CHCHD3: variants seen among roughly 807,000 people sequenced by gnomAD.
CHCHD3 encodes the protein coiled-coil-helix-coiled-coil-helix domain containing 3, also known as MICOS complex subunit MIC19.
CHCHD3 carries 20 observed loss-of-function variants against 38.2 expected under a neutral mutation model. The ratio of observed to expected loss-of-function variants is 0.52; its 90% confidence interval spans 0.37 to 0.76. CHCHD3 has a LOEUF of 0.76. CHCHD3 is among the 30% of genes least tolerant of loss of function. CHCHD3 has a pLI of 0.00. For missense variants in CHCHD3, 245 were observed against 279.2 expected, an observed-to-expected ratio of 0.88 and a Z score of 0.87; for synonymous variants, 82 against 100.0, an observed-to-expected ratio of 0.82 and a Z score of 1.07.
At chr7:133,036,927 C>G (rs1813696367) in intron 2 of CHCHD3, among the ~76,000 whole-genome samples, 4 of 152,060 alleles carry the variant, frequency 2.6e-5, no homozygotes, top group Admixed American at 6.6e-5. Context: ...TTTTAACCTA[C>G]AGAAAAGATT....
Position 132,949,536 on chromosome 7 carries a change from G to A in CHCHD3, c.369+25633C>T, listed in dbSNP as rs1490457774. 2.6e-5 allele frequency among the ~76,000 whole-genome samples: 4 copies of A among 152,128 alleles called. No homozygotes were observed. In the East Asian group the frequency reaches 5.8e-4, roughly 22 times the overall value. On this transcript the variant is annotated intron_variant, in intron 4 of 7. Transcript: ENST00000262570. ...ATTGTTCCAGAATGCAAAAATGTAC[G>A]AGATGTACTCTGGAAATGGAAAAAT...
chr7:132,803,015 A>C (rs1389784440), intron 6 of CHCHD3, among the ~76,000 whole-genome samples: 2 of 152,210 alleles, frequency 1.3e-5, no homozygotes, highest in African/African-American at 4.8e-5. Flanking sequence ...ACAAATGTCA[A>C]ATAATAACGC....
intron 2 of CHCHD3, among the ~76,000 whole-genome samples, chr7:133,061,210 A>C (rs1814499470): frequency 6.6e-6 from 1 of 152,098 alleles, no homozygotes; most frequent in Non-Finnish European, 1.5e-5. Flanking sequence ...CTTTGGAAAG[A>C]AACTAGGGCT....
chr7:133,073,769 T>C (rs929488901), intron 1 of CHCHD3, among the ~76,000 whole-genome samples: 7 of 152,350 alleles, frequency 4.6e-5, no homozygotes, highest in South Asian at 2.1e-4. Context: ...AATTCTTCAA[T>C]AGCTACTGTC....
intron 2 of CHCHD3, among the ~76,000 whole-genome samples, chr7:133,047,671 T>G (rs960632834): frequency 2.8e-4 from 42 of 152,226 alleles, no homozygotes; most frequent in African/African-American, 9.7e-4. Flanking sequence ...GAAACTAATA[T>G]CTCAGCTAAT....
chr7:133,034,096 C>CA (rs2117464080), intron 2 of CHCHD3, among the ~76,000 whole-genome samples: 1 of 152,132 alleles, frequency 6.6e-6, no homozygotes, highest in African/African-American at 2.4e-5. Context: ...CGATTTATTT[C>CA]AAGCTGACAC....
intron 4 of CHCHD3, among the ~76,000 whole-genome samples, chr7:132,894,147 A>G (rs1051697650): frequency 6.6e-6 from 1 of 152,194 alleles, no homozygotes. Flanking sequence ...ACTTTTATGT[A>G]TATCATAGCG....
chr7:132,830,311 A>C (rs916135254), intron 6 of CHCHD3, among the ~76,000 whole-genome samples: 17 of 152,196 alleles, frequency 1.1e-4, no homozygotes, highest in Admixed American at 1.3e-4. Context: ...AACCAGGCAG[A>C]TTGACAGCTT....
chr7:133,044,559 C>T (rs891354308), intron 2 of CHCHD3, among the ~76,000 whole-genome samples: 5 of 152,192 alleles, frequency 3.3e-5, no homozygotes, highest in Non-Finnish European at 7.4e-5. Flanking sequence ...ATTTATAAGC[C>T]AAATTTAAAA....
chr7:132,955,520 T>C (rs565143232), intron 4 of CHCHD3, among the ~76,000 whole-genome samples: 2 of 151,806 alleles, frequency 1.3e-5, no homozygotes, highest in South Asian at 4.2e-4. Flanking sequence ...GTTTTTTGTT[T>C]GTTTGTTTTT....
chr7:132,930,163 A>ATTT (rs769791949), intron 4 of CHCHD3, among the ~76,000 whole-genome samples: 8,104 of 127,362 alleles, frequency 0.064, 407 homozygotes, highest in South Asian at 0.16. Context: ...CCCACTCCTA[A>ATTT]TTTTTTTTTT....
At chr7:132,822,820 AAAAACAAAACAAAAC>A (rs367839827) in intron 6 of CHCHD3, among the ~76,000 whole-genome samples, 2 of 150,578 alleles carry the variant, frequency 1.3e-5, no homozygotes, top group Admixed American at 6.6e-5. Flanking sequence ...GCCCCCCACC[AAAAACAAAACAAAAC>A]AAAACAAAAC....
intron 3 of CHCHD3, among the ~76,000 whole-genome samples, chr7:132,999,078 C>T (rs578112625): frequency 5.7e-4 from 87 of 152,250 alleles, no homozygotes; most frequent in African/African-American, 2.1e-3. Context: ...CCATGATCAC[C>T]ACTGCACTCC....
At chr7:132,964,556 TA>T (rs1811408970) in intron 4 of CHCHD3, among the ~76,000 whole-genome samples, 1 of 152,184 alleles carries the variant, frequency 6.6e-6, no homozygotes, top group Admixed American at 6.5e-5. Flanking sequence ...CACTCCAGCC[TA>T]GACAACAGGG....
chr7:133,051,688 G>A (rs1814172528), intron 2 of CHCHD3, among the ~76,000 whole-genome samples: 1 of 151,762 alleles, frequency 6.6e-6, no homozygotes, highest in African/African-American at 2.4e-5. Context: ...TGCATTTCAG[G>A]CTGCTTGAGG....
chr7:132,834,433 A>T (rs2117089036), intron 6 of CHCHD3, among the ~76,000 whole-genome samples: 1 of 152,314 alleles, frequency 6.6e-6, no homozygotes, highest in Non-Finnish European at 1.5e-5. Context: ...AAGTGTGTTA[A>T]AACCTAGGTT....
At chr7:132,999,059 C>T (rs1041636913) in intron 3 of CHCHD3, among the ~76,000 whole-genome samples, 12 of 151,998 alleles carry the variant, frequency 7.9e-5, no homozygotes, top group African/African-American at 2.9e-4. Flanking sequence ...AGGTTGAGGC[C>T]GCAGTGCACC....
chr7:132,820,391 G>A (rs752377109), intron 6 of CHCHD3, among the ~76,000 whole-genome samples: 3 of 152,114 alleles, frequency 2.0e-5, no homozygotes, highest in African/African-American at 4.8e-5. Flanking sequence ...TTAGGATTCC[G>A]CTAACTGCTA....
chr7:132,980,920 T>C (rs1336510377), intron 3 of CHCHD3, among the ~76,000 whole-genome samples: 1 of 152,180 alleles, frequency 6.6e-6, no homozygotes, highest in African/African-American at 2.4e-5. Context: ...AAGATAACTT[T>C]AGCAAGGCAT....
Sources: gnomAD v4.1 joint callset for allele counts (sites outside exome capture counted in the v4.1 genomes callset) on GRCh38, gnomAD v4.1.1 for gene constraint, MANE v1.5 for transcripts, NCBI Gene and HGNC (gene_info 2026-07-23, HGNC 2026-07-21) for gene names.